Variants in KANK1 observed in about 807,000 individuals in gnomAD.
The protein encoded by KANK1 is KN motif and ankyrin repeat domains 1.
In KANK1, 109 loss-of-function variants were observed where a neutral mutation model predicts 106.2. The observed-to-expected ratio is 1.03, with a 90% CI of 0.88 to 1.20. The LOEUF (loss-of-function observed/expected upper bound fraction) is 1.20, where lower values mean the gene tolerates loss of function less well. Among genes scored for constraint, KANK1 ranks in the 50% most tolerant of loss-of-function variants. The pLI is 0.00. For missense variants in KANK1, 2,399 were observed against 1,710.7 expected (o/e 1.40, Z -7.10); for synonymous variants, 873 against 652.2 (o/e 1.34, Z -5.16).
chr9:732,000 T>C (rs1832416470), intron 5 of KANK1: 1 of 172,578 alleles, frequency 5.8e-6, no homozygotes, highest in South Asian at 1.4e-4. Context: ...CTATGTAATC[T>C]ATTCCCCTTG....
chr9:547,456 G>T (rs974159572), intron 1 of KANK1: 1 of 142,986 alleles, frequency 7.0e-6, no homozygotes, highest in African/African-American at 2.4e-5. Flanking sequence ...TTAAGATTTG[G>T]CACAGTGTGT....
chr9:592,526 T>A (rs12000135), intron 1 of KANK1, among the ~76,000 whole-genome samples: 9,725 of 151,768 alleles, frequency 0.064, 999 homozygotes, highest in East Asian at 0.24. Context: ...TCTAAGTACG[T>A]TTTTTCATCC....
chr9:699,880 G>A (rs372919305), intron 2 of KANK1, among the ~76,000 whole-genome samples: 19 of 152,314 alleles, frequency 1.2e-4, no homozygotes, highest in African/African-American at 4.3e-4. Context: ...TACTAGAGAG[G>A]CTGAGGCAGG....
intron 1 of KANK1, among the ~76,000 whole-genome samples, chr9:579,629 C>T (rs753587551): frequency 6.6e-6 from 1 of 152,098 alleles, no homozygotes; most frequent in Non-Finnish European, 1.5e-5. Flanking sequence ...TTATGTGGTC[C>T]AGTGAGCCAT....
chr9:647,964 A>G (rs1237546182), intron 1 of KANK1, among the ~76,000 whole-genome samples: 3 of 148,538 alleles, frequency 2.0e-5, no homozygotes, highest in East Asian at 3.9e-4. Context: ...CAGCCAGTCT[A>G]CGGATTAGAG....
At chr9:706,867 C>T in intron 2 of KANK1, 1 of 985,424 alleles carries the variant, frequency 1.0e-6, no homozygotes, top group Non-Finnish European at 1.2e-6. Flanking sequence ...CAGACTCTTT[C>T]ATGAAGCAGT....
chr9:520,348 A>C (rs2059489427), intron 1 of KANK1, among the ~76,000 whole-genome samples: 1 of 151,638 alleles, frequency 6.6e-6, no homozygotes, highest in African/African-American at 2.4e-5. Context: ...CAAAAAAATA[A>C]ATAAAAATTA....
chr9:698,264 A>G (rs1038327473), intron 2 of KANK1, among the ~76,000 whole-genome samples: 23 of 151,998 alleles, frequency 1.5e-4, no homozygotes, highest in African/African-American at 5.6e-4. Context: ...TGCTCTTCCC[A>G]TCCTAGAGTT....
intron 3 of KANK1, among the ~76,000 whole-genome samples, chr9:494,786 T>A (rs1227091239): frequency 2.0e-5 from 3 of 152,126 alleles, no homozygotes; most frequent in African/African-American, 4.8e-5. Context: ...AACAGTCCCT[T>A]TTGTTGGAAT....
At chr9:517,807 C>G (rs573360405) in intron 1 of KANK1, among the ~76,000 whole-genome samples, 1 of 148,266 alleles carries the variant, frequency 6.7e-6, no homozygotes, top group East Asian at 2.0e-4. Flanking sequence ...GGCGTGATCT[C>G]GGCTCACTGG....
intron 1 of KANK1, among the ~76,000 whole-genome samples, chr9:556,630 A>T (rs895957463): frequency 2.0e-5 from 3 of 152,208 alleles, no homozygotes; most frequent in Admixed American, 6.5e-5. Flanking sequence ...TCCTTGTTCC[A>T]TTAAGATAAT....
intron 1 of KANK1, among the ~76,000 whole-genome samples, chr9:661,865 C>G (rs527370993): frequency 1.8e-3 from 211 of 115,482 alleles, no homozygotes; most frequent in African/African-American, 7.2e-3. Context: ...TTGCATTTCT[C>G]TGATGGCCAG....
At chr9:472,492 G>A (rs2058039404) in intron 2 of KANK1, among the ~76,000 whole-genome samples, 1 of 152,194 alleles carries the variant, frequency 6.6e-6, no homozygotes, top group Admixed American at 6.5e-5. Flanking sequence ...GGAAATGGAG[G>A]TCAAGTGTAG....
chr9:737,167 T>G (rs1834014994), intron 7 of KANK1, among the ~76,000 whole-genome samples: 1 of 152,126 alleles, frequency 6.6e-6, no homozygotes, highest in Non-Finnish European at 1.5e-5. Flanking sequence ...CCAGAAGACA[T>G]AATTTCCCTT....
At chr9:744,858 G>C (rs1012392120) in intron 11 of KANK1, 2 of 1,413,294 alleles carry the variant, frequency 1.4e-6, no homozygotes, top group Non-Finnish European at 9.2e-7. Context: ...GAATTATCCA[G>C]ATAGCAGCCC....
rs2059614365 is a variant in KANK1, at chr9:522,901, C to T, written c.-84+18147C>T. ...AATTGGCCCAAAAGCTAAATGCCTG[C>T]ACTGCTGAGCTGTGGTTTCCCATGA... On this transcript the variant is annotated intron_variant, in intron 1 of 11. Transcript: ENST00000382297. Among the ~76,000 whole-genome samples the T allele has an allele frequency of 2.0e-5, 3 of 151,704 alleles. No individual in the cohort carries two copies. In the South Asian group the frequency reaches 6.2e-4, roughly 31 times the overall value.
chr9:565,495 T>A (rs1351782619), intron 1 of KANK1, among the ~76,000 whole-genome samples: 1 of 152,242 alleles, frequency 6.6e-6, no homozygotes, highest in Admixed American at 6.5e-5. Flanking sequence ...GCATGGGAGA[T>A]GGAGTTATCA....
chr9:501,391 CCAAGAACCAATCA>C (rs956358188), upstream of KANK1, among the ~76,000 whole-genome samples: 5 of 151,434 alleles, frequency 3.3e-5, no homozygotes, highest in African/African-American at 1.2e-4. Flanking sequence ...AATCAAGGCA[CCAAGAACCAATCA>C]CAAACTTTAT....
chr9:490,776 G>A (rs965528024), intron 3 of KANK1, among the ~76,000 whole-genome samples: 1 of 152,170 alleles, frequency 6.6e-6, no homozygotes, highest in African/African-American at 2.4e-5. Context: ...ACCAGACAGT[G>A]TGGTAAGTGC....
Sources: gnomAD v4.1 joint callset for allele counts (sites outside exome capture counted in the v4.1 genomes callset) on GRCh38, gnomAD v4.1.1 for gene constraint, MANE v1.5 for transcripts, NCBI Gene and HGNC (gene_info 2026-07-23, HGNC 2026-07-21) for gene names.